The following LRP6 variants were observed in gnomAD, a reference collection of about 807,000 sequenced individuals.
LRP6 encodes LDL receptor related protein 6, also known as low-density lipoprotein receptor-related protein 6.
A neutral mutation model predicts 184.1 loss-of-function variants in LRP6; 43 were observed. The observed-to-expected ratio is 0.23, with a 90% CI of 0.18 to 0.30. LRP6 has a LOEUF of 0.30. LRP6 is among the 10% of genes least tolerant of loss of function. LRP6 has a pLI of 1.00. For synonymous variants in LRP6, 719 were observed against 684.9 expected (o/e 1.05, Z -0.78); for missense variants, 1,571 against 2,005.3 (o/e 0.78, Z 4.14).
At chr12:12,265,766 T>C (rs1302083081) in intron 1 of LRP6, among the ~76,000 whole-genome samples, 1 of 152,210 alleles carries the variant, frequency 6.6e-6, no homozygotes, top group African/African-American at 2.4e-5. Context: ...TCAAAAATCT[T>C]TGTGAACTGT....
In LRP6 at chr12:12,214,578, TAAAATA is replaced by T. The variant is rs572234242; in HGVS notation, c.450-11184_450-11179del. 1.8e-4 allele frequency among the ~76,000 whole-genome samples: 27 copies of T among 152,396 alleles called. 1 individual carries two copies. Among genetic ancestry groups the T allele is most frequent in the Admixed American group, 1.8e-3 (27 of 15,308 alleles). On this transcript the variant is annotated intron_variant, in intron 2 of 22. Transcript: ENST00000261349. ...AGCTTAAAATTCATGATCTGATTTG[TAAAATA>T]TGCTAAGACTAATCTTTTGGTTGCA... is the stretch of plus-strand genomic sequence containing the variant.
At chr12:12,219,594 G>T (rs995902817) in intron 2 of LRP6, among the ~76,000 whole-genome samples, 7 of 152,114 alleles carry the variant, frequency 4.6e-5, no homozygotes, top group African/African-American at 1.4e-4. Context: ...TCAAATCACA[G>T]CAAAGATATC....
chr12:12,216,639 C>T (rs1294761126), intron 2 of LRP6, among the ~76,000 whole-genome samples: 12 of 148,688 alleles, frequency 8.1e-5, no homozygotes, highest in Non-Finnish European at 1.8e-4. Context: ...GTGGTCTTCT[C>T]TCTGTACTTA....
chr12:12,151,459 A>AGAT lies in LRP6; in HGVS notation c.2792-422_2792-421insATC, dbSNP rs1219628103. ...CTTCTAGACTGATTTTACACTTGAC[A>AGAT]GGGCAAGACCCATCTAAGGAAAAAA... On this transcript the variant is annotated intron_variant, in intron 12 of 22. Coordinates refer to ENST00000261349, the MANE Select transcript of LRP6 (RefSeq NM_002336.3). Among the ~76,000 whole-genome samples, 3 of 151,120 alleles carry AGAT rather than the reference A, an allele frequency of 2.0e-5. No homozygotes were observed. In the East Asian group the frequency reaches 5.8e-4, roughly 29 times the overall value.
chr12:12,196,564 C>A (rs887153085), intron 3 of LRP6, among the ~76,000 whole-genome samples: 5 of 151,898 alleles, frequency 3.3e-5, no homozygotes, highest in African/African-American at 7.2e-5. Flanking sequence ...TGCAACTTTA[C>A]CAAATTTGTT....
chr12:12,191,270 T>C (rs921861497), intron 3 of LRP6, among the ~76,000 whole-genome samples: 5 of 152,138 alleles, frequency 3.3e-5, no homozygotes, highest in Non-Finnish European at 7.3e-5. Flanking sequence ...AGCGTCATAC[T>C]GAAGAGAAAT....
At chr12:12,257,779 C>CA (rs1163180718) in intron 1 of LRP6, among the ~76,000 whole-genome samples, 4,638 of 35,200 alleles carry the variant, frequency 0.13, 689 homozygotes, top group Non-Finnish European at 0.15. Flanking sequence ...CCTGTCTCTA[C>CA]AAAAAAAAAA....
At position 12,161,575 on chromosome 12, in the gene LRP6, G is replaced by A. The variant is rs549538082; in HGVS notation, c.2279+618C>T. Among the ~76,000 whole-genome samples the A allele has an allele frequency of 5.3e-5, 8 of 152,184 alleles. No individual in the cohort carries two copies. In the South Asian group the frequency reaches 1.7e-3, roughly 32 times the overall value. The stretch of plus-strand genomic sequence containing the variant: ...CGTGAGCCACCACGCCCGGCCTGTT[G>A]ACTTCTTTTATAAGTGGAATTTTTC... On this transcript the variant is annotated intron_variant, in intron 10 of 22. Coordinates refer to ENST00000261349, the MANE Select transcript of LRP6 (RefSeq NM_002336.3).
At position 12,184,012 on chromosome 12, in the gene LRP6, T is replaced by G; in HGVS notation, c.944A>C (p.Lys315Thr). The G allele has an allele frequency of 6.2e-7, 1 of 1,613,788 alleles. No individual in the cohort carries two copies. The highest frequency in any genetic ancestry group is 1.1e-5 in the South Asian group (1 of 91,076). ...FYQCACPTGVKLLENGKTCKD... is the reference protein window; with the variant it reads ...FYQCACPTGVTLLENGKTCKD... ...GCAGGTTTTTCCATTCTCCAGGAGT[T>G]TGACCCCAGTGGGGCAAGCACACTG... The change falls in exon 5 of 23, where the codon AAA becomes ACA. Residue 315 changes from lysine to threonine, a missense_variant. Lys to Thr is a moderately conservative substitution (Grantham distance 78). Coordinates refer to ENST00000261349, the MANE Select transcript of LRP6 (RefSeq NM_002336.3).
intron 2 of LRP6, among the ~76,000 whole-genome samples, chr12:12,211,722 C>CA (rs1296757872): frequency 6.6e-6 from 1 of 152,170 alleles, no homozygotes; most frequent in Non-Finnish European, 1.5e-5. Flanking sequence ...CTTAAGCACC[C>CA]AGTCTAGTCG....
intron 15 of LRP6, among the ~76,000 whole-genome samples, chr12:12,143,854 T>C (rs1012408861): frequency 2.0e-5 from 3 of 152,250 alleles, no homozygotes. Context: ...TATACATTTA[T>C]GTGGTACAAG....
chr12:12,162,052 T>C, intron 10 of LRP6, 141 bp downstream of exon 10: 2 of 679,560 alleles, frequency 2.9e-6, no homozygotes, highest in East Asian at 5.5e-5. Context: ...ATCAATAGTG[T>C]TTTTAAAAGT....
intron 2 of LRP6, among the ~76,000 whole-genome samples, chr12:12,243,750 T>C (rs1020673176): frequency 6.6e-6 from 1 of 152,094 alleles, no homozygotes; most frequent in African/African-American, 2.4e-5. Context: ...ATTCTGTCTC[T>C]ACAAAAAAAA....
intron 19 of LRP6, among the ~76,000 whole-genome samples, chr12:12,129,429 T>C (rs1003944767): frequency 6.6e-6 from 1 of 152,250 alleles, no homozygotes; most frequent in East Asian, 1.9e-4. Context: ...TCCCATTACA[T>C]GGAGTTTCCC....
intron 15 of LRP6, chr12:12,138,796 G>C (rs1454897052): frequency 6.8e-7 from 1 of 1,460,596 alleles, no homozygotes; most frequent in Non-Finnish European, 9.2e-7. Context: ...AAAGAACTTA[G>C]AACAGTAGTT....
intron 12 of LRP6, among the ~76,000 whole-genome samples, chr12:12,152,191 A>G (rs1272776806): frequency 6.6e-6 from 1 of 151,904 alleles, no homozygotes; most frequent in Non-Finnish European, 1.5e-5. Flanking sequence ...CTTCTTTCTC[A>G]TTTGTCTCTT....
intron 2 of LRP6, among the ~76,000 whole-genome samples, chr12:12,229,275 C>T (rs182365499): frequency 2.0e-5 from 3 of 149,394 alleles, no homozygotes; most frequent in East Asian, 4.0e-4. Context: ...GAGGCTGAGG[C>T]AGGAGAATCG....
Position 12,184,009 on chromosome 12 carries a change from A to T in LRP6, c.947T>A (p.Leu316His). ...YQCACPTGVK[L>H]LENGKTCKDG... ...TTTGCAGGTTTTTCCATTCTCCAGG[A>T]GTTTGACCCCAGTGGGGCAAGCACA... Residue 316 changes from leucine (L) to histidine (H), a missense_variant, in exon 5 of 23, where the codon CTC becomes CAC. Physicochemically the swap from Leu to His is moderately conservative, Grantham distance 99 (BLOSUM62 -3). Around this residue, in one of 4 missense-constraint regions of LRP6, gnomAD observed 640 missense variants for 851.9 expected, o/e 0.75. Transcript: ENST00000261349. 1 of 1,613,764 alleles carries T rather than the reference A, an allele frequency of 6.2e-7. No homozygotes were observed. Among genetic ancestry groups the T allele is most frequent in the Non-Finnish European group, 8.5e-7 (1 of 1,179,654 alleles).
chr12:12,181,855 G>C (rs1863352700), intron 5 of LRP6, among the ~76,000 whole-genome samples: 1 of 152,174 alleles, frequency 6.6e-6, no homozygotes. Flanking sequence ...GTGCTTGATA[G>C]GAATGTTCTA....
Sources: gnomAD v4.1 joint callset for allele counts (sites outside exome capture counted in the v4.1 genomes callset) on GRCh38, gnomAD v4.1.1 for gene constraint, gnomAD v4.1.1 regional missense constraint, MANE v1.5 for transcripts, NCBI Gene and HGNC (gene_info 2026-07-23, HGNC 2026-07-21) for gene names.